The following TAMM41 variants were observed in gnomAD, a reference collection of about 807,000 sequenced individuals.
The protein encoded by TAMM41 is TAM41 mitochondrial translocator assembly and maintenance homolog.
Under a neutral mutation model 44.1 loss-of-function variants are expected in TAMM41, and 36 were observed. The observed-to-expected ratio is 0.82, with a 90% CI of 0.63 to 1.08. The LOEUF is 1.08. Ranked by LOEUF, TAMM41 falls within the 50% of genes least tolerant of loss-of-function variation. The probability of loss-of-function intolerance (pLI) is 0.00; values close to 1 mark genes in which losing one functional copy is unlikely to be tolerated. For missense variants in TAMM41, 417 were observed against 404.3 expected (o/e 1.03, Z -0.27); for synonymous variants, 164 against 153.1 (o/e 1.07, Z -0.53).
intron 4 of TAMM41, among the ~76,000 whole-genome samples, chr3:11,820,477 C>T (rs887761778): frequency 2.0e-5 from 3 of 152,168 alleles, no homozygotes; most frequent in Admixed American, 6.5e-5. Flanking sequence ...TCCAGGCTCT[C>T]GGAGAACAAG....
chr3:11,761,674 C>T, the TAMM41 span, among the ~76,000 whole-genome samples: 1,679 of 152,142 alleles, frequency 0.011, 31 homozygotes, highest in African/African-American at 0.038. Flanking sequence ...CTTCCGGGCG[C>T]GGTGGCTCAC....
intron 2 of TAMM41, chr3:11,843,806 A>C (rs2079552417): frequency 1.9e-6 from 1 of 522,998 alleles, no homozygotes; most frequent in African/African-American, 1.9e-5. Context: ...GAAGGACTCC[A>C]GTCCCTGCTC....
At chr3:11,807,319 G>A in intron 7 of TAMM41, 2 of 1,450,264 alleles carry the variant, frequency 1.4e-6, no homozygotes, top group East Asian at 4.9e-5. Context: ...CATTTGATGA[G>A]GGTGGGTGCC....
the TAMM41 span, among the ~76,000 whole-genome samples, chr3:11,741,017 G>C: frequency 0.027 from 3,847 of 141,184 alleles, 431 homozygotes; most frequent in African/African-American, 0.1. Flanking sequence ...TCAGGAGTTC[G>C]AGACCAGCCT....
At chr3:11,776,945 A>T in the TAMM41 span, among the ~76,000 whole-genome samples, 2 of 152,230 alleles carry the variant, frequency 1.3e-5, no homozygotes, top group African/African-American at 4.8e-5. Context: ...GTGGAATCTG[A>T]AAGCATCAAA....
chr3:11,782,784 G>C, the TAMM41 span, among the ~76,000 whole-genome samples: 1 of 152,206 alleles, frequency 6.6e-6, no homozygotes, highest in East Asian at 1.9e-4. Context: ...GGAGTTTGGG[G>C]CATGGACTTT....
chr3:11,842,348 C>A (rs553213505), intron 2 of TAMM41, among the ~76,000 whole-genome samples: 2 of 137,350 alleles, frequency 1.5e-5, no homozygotes, highest in Admixed American at 1.5e-4. Context: ...GAGCAGAGAT[C>A]GCACCATTGC....
rs145549197 is a variant in TAMM41, at chr3:11,801,505, T to C, written c.937+6328A>G. Among the ~76,000 whole-genome samples the C allele has an allele frequency of 4.3e-3, 651 of 152,174 alleles. 4 individuals carry two copies. Among genetic ancestry groups the C allele is most frequent in the Non-Finnish European group, 7.4e-3 (500 of 68,004 alleles). On this transcript the variant is annotated intron_variant, in intron 7 of 7. Transcript: ENST00000455809. ...ATGCACAGCTGCACAGCTAATTTTT[T>C]TGTAGAAATGGGGTTTTTCCACGTT...
chr3:11,825,436 C>T (rs1374094264), intron 4 of TAMM41, among the ~76,000 whole-genome samples: 1 of 152,170 alleles, frequency 6.6e-6, no homozygotes, highest in Non-Finnish European at 1.5e-5. Flanking sequence ...AACCACACTG[C>T]TTGTAAGGTT....
intron 7 of TAMM41, chr3:11,807,452 C>T: frequency 2.9e-6 from 4 of 1,389,188 alleles, no homozygotes; most frequent in Non-Finnish European, 3.6e-6. Context: ...AAATAACCCA[C>T]TAAGACAGAT....
chr3:11,738,297 C>A, the TAMM41 span, among the ~76,000 whole-genome samples: 4 of 152,156 alleles, frequency 2.6e-5, no homozygotes, highest in Admixed American at 2.6e-4. Flanking sequence ...AACTCAACCC[C>A]TTTGCTCGTC....
At chr3:11,774,046 C>T in the TAMM41 span, among the ~76,000 whole-genome samples, 14 of 152,266 alleles carry the variant, frequency 9.2e-5, no homozygotes, top group Non-Finnish European at 2.1e-4. Context: ...CAAGATCATG[C>T]CACTGTACTC....
intron 3 of TAMM41, among the ~76,000 whole-genome samples, chr3:11,834,403 T>C (rs746497027): frequency 5.3e-5 from 8 of 152,152 alleles, no homozygotes; most frequent in African/African-American, 7.2e-5. Flanking sequence ...AAAAACAATG[T>C]AAAATACAAA....
chr3:11,808,713 G>A, intron 6 of TAMM41: 1 of 746,900 alleles, frequency 1.3e-6, no homozygotes, highest in Non-Finnish European at 1.6e-6. Flanking sequence ...CTGAAGATAA[G>A]GTTCAGGCTC....
At chr3:11,723,239 A>G in the TAMM41 span, among the ~76,000 whole-genome samples, 1 of 152,166 alleles carries the variant, frequency 6.6e-6, no homozygotes, top group Non-Finnish European at 1.5e-5. Context: ...TTGGTTAAAC[A>G]TTGTTGTCTA....
At chr3:11,730,954 C>T in the TAMM41 span, among the ~76,000 whole-genome samples, 3 of 152,094 alleles carry the variant, frequency 2.0e-5, no homozygotes, top group African/African-American at 4.8e-5. Context: ...TGGTATTGGA[C>T]GGACCTGAGT....
chr3:11,799,763 C>CA (rs2077701030), intron 7 of TAMM41, among the ~76,000 whole-genome samples: 1 of 152,016 alleles, frequency 6.6e-6, no homozygotes, highest in African/African-American at 2.4e-5. Context: ...GAATACACTG[C>CA]AAAAAGGACT....
At chr3:11,754,714 T>C in the TAMM41 span, among the ~76,000 whole-genome samples, 12 of 143,108 alleles carry the variant, frequency 8.4e-5, no homozygotes, top group Admixed American at 4.2e-4. Context: ...ATCTCTTTTT[T>C]TTTTTTTTTT....
intron 4 of TAMM41, among the ~76,000 whole-genome samples, chr3:11,818,410 G>A (rs1027609584): frequency 2.0e-5 from 3 of 152,198 alleles, no homozygotes; most frequent in African/African-American, 7.2e-5. Context: ...AGGGATCATA[G>A]AGGTCATTAT....
Sources: allele counts gnomAD v4.1 joint callset (sites outside exome capture counted in the v4.1 genomes callset), GRCh38; gene constraint gnomAD v4.1.1; transcripts MANE v1.5; gene names NCBI Gene and HGNC (gene_info 2026-07-23, HGNC 2026-07-21).